The following CCM2 variants were observed in gnomAD, a reference collection of about 807,000 sequenced individuals.
CCM2 encodes cerebral cavernous malformations 2 protein.
In CCM2, 25 loss-of-function variants were observed where a neutral mutation model predicts 44.9. That is an observed-to-expected ratio of 0.56 (90% CI 0.41 to 0.78). The LOEUF (loss-of-function observed/expected upper bound fraction) is 0.78, where lower values mean the gene tolerates loss of function less well. Ranked by LOEUF, CCM2 falls within the 30% of genes least tolerant of loss-of-function variation. The pLI is 0.00. For missense variants in CCM2, 481 were observed against 580.6 expected, an observed-to-expected ratio of 0.83 and a Z score of 1.76; for synonymous variants, 219 against 241.1, an observed-to-expected ratio of 0.91 and a Z score of 0.85.
chr7:45,028,400 G>A (rs141313721), intron 1 of CCM2, among the ~76,000 whole-genome samples: 1,587 of 152,302 alleles, frequency 0.01, 25 homozygotes, highest in African/African-American at 0.037. Context: ...GCTTATGCCT[G>A]TAATCCTAGC....
At chr7:45,047,237 T>G (rs1797800645) in intron 2 of CCM2, among the ~76,000 whole-genome samples, 1 of 152,178 alleles carries the variant, frequency 6.6e-6, no homozygotes, top group Non-Finnish European at 1.5e-5. Context: ...GAAATGAAAA[T>G]TTATGTTCAC....
chr7:45,020,081 C>T (rs1442596803), intron 1 of CCM2, among the ~76,000 whole-genome samples: 1 of 152,088 alleles, frequency 6.6e-6, no homozygotes, highest in Non-Finnish European at 1.5e-5. Flanking sequence ...CTCCTTTAAC[C>T]TGTCAGGCCA....
At chr7:45,070,346 T>G (rs775020267) in intron 6 of CCM2, 10 of 400,984 alleles carry the variant, frequency 2.5e-5, no homozygotes, top group South Asian at 1.8e-4. Context: ...TCCTTTTCAG[T>G]ATGCCCAGAC....
intron 6 of CCM2, chr7:45,072,166 C>T (rs984147906): frequency 2.6e-5 from 9 of 340,252 alleles, no homozygotes; most frequent in Non-Finnish European, 4.0e-5. Flanking sequence ...CTGTGTCACA[C>T]GGACCTAATG....
At chr7:45,062,844 C>T (rs1252370870) in intron 2 of CCM2, among the ~76,000 whole-genome samples, 3 of 139,580 alleles carry the variant, frequency 2.1e-5, no homozygotes, top group African/African-American at 5.6e-5. Context: ...AAAAAAAAAT[C>T]GTATCGTTCT....
intron 5 of CCM2, 82 bp from the exon 6 acceptor site, chr7:45,069,744 C>A: frequency 6.4e-7 from 1 of 1,557,308 alleles, no homozygotes; most frequent in Non-Finnish European, 8.8e-7. Flanking sequence ...AGCATCTGGG[C>A]TGCCCCAGGT....
At chr7:45,029,599 C>T (rs1321051736) in intron 1 of CCM2, 1 of 152,230 alleles carries the variant, frequency 6.6e-6, no homozygotes, top group Non-Finnish European at 1.5e-5. Context: ...ATTCATTTCT[C>T]CTTGTAAATT....
intron 2 of CCM2, among the ~76,000 whole-genome samples, chr7:45,060,181 T>C (rs1473213016): frequency 6.6e-6 from 1 of 152,218 alleles, no homozygotes; most frequent in Non-Finnish European, 1.5e-5. Context: ...TAAAAATCTT[T>C]ATTTCTCTTT....
rs1422090073 is a variant in CCM2, at chr7:45,000,220, G to T, written c.-114G>T. ...CGGGGCGGAGACTTCGGGCCCGGCT[G>T]GCGGGCGGCGCCGGGAGCGCGGGGG... On this transcript the variant is annotated 5_prime_UTR_variant, in exon 1 of 10. Coordinates refer to ENST00000258781, the MANE Select transcript of CCM2 (RefSeq NM_031443.4). The T allele has an allele frequency of 8.2e-6, 5 of 608,458 alleles. No homozygotes were observed. The highest frequency in any genetic ancestry group is 1.0e-5 in the Non-Finnish European group (5 of 485,104). 37.7% of individuals were successfully genotyped at this position (608,458 alleles called of 1,614,324 possible). A position where few individuals can be genotyped will look rare whatever the true frequency, so the allele number is the denominator to read the frequency against.
intron 1 of CCM2, among the ~76,000 whole-genome samples, chr7:45,014,622 CTT>C (rs34116061): frequency 8.1e-5 from 10 of 123,968 alleles, no homozygotes; most frequent in South Asian, 2.6e-4. Context: ...CAGTCTTAAC[CTT>C]TTTTTTTTTT....
chr7:45,027,925 C>A, intron 1 of CCM2: 2 of 971,964 alleles, frequency 2.1e-6, no homozygotes, highest in Admixed American at 2.0e-5. Flanking sequence ...TCTCCATGAC[C>A]CCTGCTTTGG....
At chr7:45,040,528 G>A (rs556580568) in intron 2 of CCM2, among the ~76,000 whole-genome samples, 7 of 152,340 alleles carry the variant, frequency 4.6e-5, no homozygotes, top group Middle Eastern at 3.4e-3. Flanking sequence ...AGGGAAGAGT[G>A]AGAAGAAGTT....
intron 1 of CCM2, among the ~76,000 whole-genome samples, chr7:45,022,454 C>T (rs999498807): frequency 6.6e-6 from 1 of 151,238 alleles, no homozygotes; most frequent in East Asian, 1.9e-4. Flanking sequence ...CTACAGGCGC[C>T]CACCACCGTG....
chr7:45,039,518 C>A (rs1218949849), intron 2 of CCM2, among the ~76,000 whole-genome samples: 1 of 152,150 alleles, frequency 6.6e-6, no homozygotes, highest in Non-Finnish European at 1.5e-5. Flanking sequence ...ACACAGGCAG[C>A]TGAGTATAAG....
intron 3 of CCM2, 117 bp downstream of exon 3, chr7:45,064,118 A>T: frequency 1.4e-6 from 1 of 724,046 alleles, no homozygotes; most frequent in South Asian, 1.6e-5. Context: ...TTATGGGTAC[A>T]CTTGGCTCTT....
rs1229018106 is a variant in CCM2 at position 45,065,845 on chromosome 7, C to A, written c.472+1199C>A. Among the ~76,000 whole-genome samples the A allele has an allele frequency of 2.0e-5, 3 of 152,174 alleles. No individual in the cohort carries two copies. The East Asian group carries it at 5.8e-4, about 29-fold the overall frequency. ...GGCTTAGAAGGCTGGGTTGGTGGCTCCTTCCAGCCATACTATCCGACACCA... is the reference window on the plus strand; with the variant it reads ...GGCTTAGAAGGCTGGGTTGGTGGCTACTTCCAGCCATACTATCCGACACCA... On this transcript the variant is annotated intron_variant, in intron 4 of 9. Transcript: ENST00000258781.
At chr7:45,019,955 G>A (rs1796419287) in intron 1 of CCM2, among the ~76,000 whole-genome samples, 2 of 152,104 alleles carry the variant, frequency 1.3e-5, no homozygotes, top group Admixed American at 1.3e-4. Flanking sequence ...CGCAGTTCAG[G>A]GTTCAGCCAA....
chr7:45,032,744 G>C (rs1159512283), intron 1 of CCM2, among the ~76,000 whole-genome samples: 1 of 152,032 alleles, frequency 6.6e-6, no homozygotes, highest in Non-Finnish European at 1.5e-5. Context: ...TGGCTGCTGG[G>C]TAAGAGCCAA....
Position 45,038,333 on chromosome 7 carries a change from A to G in CCM2, c.111A>G (p.Thr37=). The G allele has an allele frequency of 6.2e-7, 1 of 1,614,206 alleles. No individual in the cohort carries two copies. Among genetic ancestry groups the G allele is most frequent in the Non-Finnish European group, 8.5e-7 (1 of 1,180,018 alleles). ...SRDKKAHEKV[T]ERRPLHTVVL... ...ATAAGAAAGCCCATGAGAAGGTGAC[A>G]GAGAGGCGCCCTCTGCACACTGTGG... The change falls in exon 2 of 10, where the codon ACA becomes ACG. Residue 37 remains threonine (T), a synonymous_variant. Coordinates refer to ENST00000258781, the MANE Select transcript of CCM2 (RefSeq NM_031443.4).
Sources: allele counts gnomAD v4.1 joint callset (sites outside exome capture counted in the v4.1 genomes callset), GRCh38; gene constraint gnomAD v4.1.1; transcripts MANE v1.5; gene names NCBI Gene and HGNC (gene_info 2026-07-23, HGNC 2026-07-21).